The following MTAP variants were observed in gnomAD, a reference collection of about 807,000 sequenced individuals.
MTAP encodes methylthioadenosine phosphorylase.
In MTAP, 33 loss-of-function variants were observed where a neutral mutation model predicts 33.6. The ratio of observed to expected loss-of-function variants is 0.98; its 90% CI spans 0.74 to 1.31. MTAP has a LOEUF of 1.31. Ranked by LOEUF, MTAP falls within the 40% of genes most tolerant of loss-of-function variation. The pLI is 0.00. For missense variants in MTAP, 367 were observed against 360.0 expected, an observed-to-expected ratio of 1.02 and a Z score of -0.16; for synonymous variants, 148 against 125.7, an observed-to-expected ratio of 1.18 and a Z score of -1.19.
At chr9:21,928,897 A>C (rs971457601) in intron 1 of MTAP, among the ~76,000 whole-genome samples, 127 of 151,718 alleles carry the variant, frequency 8.4e-4, no homozygotes, top group African/African-American at 2.5e-3. Flanking sequence ...TAGATGAAGA[A>C]ACTGCCAAAA....
rs867984035 is a variant in MTAP, at chr9:21,849,156, G to A, written c.451-5475G>A. Among the ~76,000 whole-genome samples the A allele has an allele frequency of 9.8e-5, 15 of 152,294 alleles. No homozygotes were observed. In the South Asian group the frequency reaches 2.3e-3, roughly 23 times the overall value. On this transcript the variant is annotated intron_variant, in intron 5 of 7. Coordinates refer to ENST00000644715, the MANE Select transcript of MTAP (RefSeq NM_002451.4). ...CTAGTTTACAGACCCAGAACCCCTT[G>A]AATGAAGGGGAGGCCAGGTCCCGTT... is the stretch of plus-strand genomic sequence containing the variant.
intron 1 of MTAP, among the ~76,000 whole-genome samples, chr9:21,914,357 A>G (rs189085553): frequency 9.0e-4 from 137 of 152,280 alleles, no homozygotes; most frequent in African/African-American, 3.2e-3. Flanking sequence ...CACTATTCAC[A>G]ATAGCAAAGA....
intron 1 of MTAP, chr9:21,803,223 G>T (rs1248750668): frequency 3.0e-6 from 1 of 332,700 alleles, no homozygotes; most frequent in Non-Finnish European, 5.4e-6. Flanking sequence ...ACCGTCTCCT[G>T]GTGCCTTGCG....
intron 6 of MTAP, 133 bp downstream of exon 6, chr9:21,855,003 C>G: frequency 8.2e-7 from 1 of 1,224,064 alleles, no homozygotes; most frequent in Non-Finnish European, 1.1e-6. Flanking sequence ...TTAATATTTT[C>G]TGTAGTTCCA....
At chr9:21,827,293 T>C (rs1563836626) in intron 4 of MTAP, among the ~76,000 whole-genome samples, 1 of 152,124 alleles carries the variant, frequency 6.6e-6, no homozygotes, top group East Asian at 1.9e-4. Context: ...GCTCCTCCCA[T>C]CAGTTATCTC....
At chr9:21,914,171 A>G (rs2118859906) in intron 1 of MTAP, among the ~76,000 whole-genome samples, 1 of 152,332 alleles carries the variant, frequency 6.6e-6, no homozygotes, top group African/African-American at 2.4e-5. Flanking sequence ...GAACACTTTT[A>G]CACTGTTGGT....
chr9:21,866,823 C>T lies in MTAP; in HGVS notation c.*4809C>T, dbSNP rs1306410840. On this transcript the variant is annotated 3_prime_UTR_variant, in exon 8 of 8. Transcript: ENST00000644715. Reference sequence around the variant, plus strand: ...TTTGGGAAGAATTGACAATATTGAACCTTTCAATCGATGGACATGGTATGT... The same window carrying T: ...TTTGGGAAGAATTGACAATATTGAATCTTTCAATCGATGGACATGGTATGT... The T allele has an allele frequency of 6.6e-6, 1 of 152,062 alleles. No homozygotes were observed. Among genetic ancestry groups the T allele is most frequent in the Non-Finnish European group, 1.5e-5 (1 of 67,978 alleles). 9.4% of individuals were successfully genotyped at this position (152,062 alleles called of 1,614,324 possible). A position where few individuals can be genotyped will look rare whatever the true frequency, so the allele number is the denominator to read the frequency against.
Position 21,861,986 on chromosome 9 carries a change from A to T in MTAP, c.824A>T (p.Gln275Leu). ...CTTTCTTCCTTTCAGAATATGGCCC[A>T]GTTTTCTGTTTTATTACCAAGACAT... ...ETLHNLKNMA[Q>L]FSVLLPRH The change falls in exon 8 of 8, where the codon CAG becomes CTG. Residue 275 changes from glutamine (Q) to leucine (L), a missense_variant. Physicochemically the swap from Gln to Leu is moderately radical, Grantham distance 113 (BLOSUM62 -2). Coordinates refer to ENST00000644715, the MANE Select transcript of MTAP (RefSeq NM_002451.4). 6.3e-7 allele frequency: 1 copy of T among 1,591,802 alleles called. No homozygotes were observed. The highest frequency in any genetic ancestry group is 1.3e-5 in the African/African-American group (1 of 74,522).
intron 1 of MTAP, among the ~76,000 whole-genome samples, chr9:21,887,315 T>C (rs1563859898): frequency 6.6e-6 from 1 of 151,750 alleles, no homozygotes; most frequent in South Asian, 2.1e-4. Flanking sequence ...CCTGTGTCCA[T>C]GTGTTCTCAT....
At chr9:21,915,880 C>G (rs564123903) in intron 1 of MTAP, among the ~76,000 whole-genome samples, 55 of 152,010 alleles carry the variant, frequency 3.6e-4, no homozygotes, top group African/African-American at 1.3e-3. Context: ...CAAAAAAATA[C>G]AAAAATTAGC....
At chr9:21,822,729 G>C (rs1046351385) in intron 4 of MTAP, among the ~76,000 whole-genome samples, 10 of 152,282 alleles carry the variant, frequency 6.6e-5, no homozygotes, top group African/African-American at 2.4e-4. Context: ...TGACAGTGGG[G>C]TGTTAAAGTC....
intron 1 of MTAP, among the ~76,000 whole-genome samples, chr9:21,890,484 G>A (rs1348415384): frequency 6.6e-6 from 1 of 152,078 alleles, no homozygotes; most frequent in South Asian, 2.1e-4. Flanking sequence ...TTCATGATTG[G>A]TCAAAATTAT....
chr9:21,859,743 G>C, intron 7 of MTAP: 1 of 188,142 alleles, frequency 5.3e-6, no homozygotes, highest in East Asian at 1.3e-4. Flanking sequence ...TCTGCATATC[G>C]CTTACATTGT....
At chr9:21,892,802 A>G (rs980212746) in intron 1 of MTAP, 1 of 152,222 alleles carries the variant, frequency 6.6e-6, no homozygotes, top group African/African-American at 2.4e-5. Flanking sequence ...AGCACACTCC[A>G]CCCAACAACA....
chr9:21,937,546 C>G (rs1344227775), exon 8 of MTAP: 1 of 151,968 alleles, frequency 6.6e-6, no homozygotes, highest in Admixed American at 6.6e-5. Context: ...TTCGTGTTGC[C>G]TTTTTTTGGT....
intron 1 of MTAP, among the ~76,000 whole-genome samples, chr9:21,903,804 G>A (rs147172831): frequency 6.6e-6 from 1 of 152,290 alleles, no homozygotes; most frequent in Non-Finnish European, 1.5e-5. Flanking sequence ...GCAGTGTCTA[G>A]GGGTGAATAT....
chr9:21,910,099 A>G (rs1818545932), intron 1 of MTAP, among the ~76,000 whole-genome samples: 1 of 152,180 alleles, frequency 6.6e-6, no homozygotes, highest in Non-Finnish European at 1.5e-5. Flanking sequence ...TCTTTCATTT[A>G]TTCATTTGCT....
At chr9:21,820,424 G>C (rs1478342445) in intron 4 of MTAP, among the ~76,000 whole-genome samples, 2 of 152,082 alleles carry the variant, frequency 1.3e-5, no homozygotes, top group Non-Finnish European at 2.9e-5. Flanking sequence ...TCTTGTTTTT[G>C]TCAGGTTTGT....
chr9:21,822,345 G>A (rs1824665038), intron 4 of MTAP, among the ~76,000 whole-genome samples: 1 of 152,122 alleles, frequency 6.6e-6, no homozygotes, highest in African/African-American at 2.4e-5. Context: ...GTTCTCATTG[G>A]TTTCAAAGAA....
Sources: gnomAD v4.1 joint callset for allele counts (sites outside exome capture counted in the v4.1 genomes callset) on GRCh38, gnomAD v4.1.1 for gene constraint, MANE v1.5 for transcripts, NCBI Gene and HGNC (gene_info 2026-07-23, HGNC 2026-07-21) for gene names.